Variants in HGSNAT observed in about 807,000 individuals in gnomAD.
HGSNAT encodes transmembrane protein 76.
Under a neutral mutation model 85.2 loss-of-function variants are expected in HGSNAT, and 59 were observed. That is an observed-to-expected ratio of 0.69 (90% CI 0.56 to 0.86). The LOEUF (loss-of-function observed/expected upper bound fraction) is 0.86, where lower values mean the gene tolerates loss of function less well. Ranked by LOEUF, HGSNAT falls within the 40% of genes least tolerant of loss-of-function variation. HGSNAT has a pLI of 0.00. For missense variants in HGSNAT, 756 were observed against 777.1 expected (o/e 0.97, Z 0.32); for synonymous variants, 321 against 304.5 (o/e 1.05, Z -0.56).
At chr8:43,153,945 G>A (rs1020580037) in intron 2 of HGSNAT, among the ~76,000 whole-genome samples, 4 of 152,120 alleles carry the variant, frequency 2.6e-5, no homozygotes, top group African/African-American at 9.7e-5. Context: ...TCCATTCATC[G>A]GTTGATGGAT....
At chr8:43,191,826 A>G (rs775748304) in intron 12 of HGSNAT, among the ~76,000 whole-genome samples, 9 of 151,930 alleles carry the variant, frequency 5.9e-5, no homozygotes, top group Non-Finnish European at 1.0e-4. Flanking sequence ...ATAGTGTGGG[A>G]GCAGTTTGTC....
At position 43,199,686 on chromosome 8, in the gene HGSNAT, C is replaced by T; in HGVS notation, c.*117C>T. On this transcript the variant is annotated 3_prime_UTR_variant, in exon 18 of 18. Coordinates refer to ENST00000379644, the MANE Select transcript of HGSNAT (RefSeq NM_152419.3). ...AATTGACTGGCTGCGTGTTTACAGA[C>T]TCTGGGGGAAGACACTGATGTCCTC... 1 of 733,892 alleles carries T rather than the reference C, an allele frequency of 1.4e-6. No homozygotes were observed. The highest frequency in any genetic ancestry group is 2.0e-6 in the Non-Finnish European group (1 of 495,186). 45.5% of individuals were successfully genotyped at this position (733,892 alleles called of 1,614,324 possible). A position where few individuals can be genotyped will look rare whatever the true frequency, so the allele number is the denominator to read the frequency against.
intron 9 of HGSNAT, among the ~76,000 whole-genome samples, chr8:43,175,194 G>A (rs1277329773): frequency 6.6e-6 from 1 of 152,082 alleles, no homozygotes; most frequent in African/African-American, 2.4e-5. Context: ...AATAAAGATG[G>A]GAGTATCTCT....
At chr8:43,146,460 G>T (rs1265233217) in intron 1 of HGSNAT, among the ~76,000 whole-genome samples, 1 of 152,054 alleles carries the variant, frequency 6.6e-6, no homozygotes, top group African/African-American at 2.4e-5. Context: ...AATACAAATT[G>T]GGTTCATATC....
chr8:43,199,402 C>G lies in HGSNAT; in HGVS notation c.1741C>G (p.Leu581Val). 1 of 1,597,490 alleles carries G rather than the reference C, an allele frequency of 6.3e-7. No individual in the cohort carries two copies. The highest frequency in any genetic ancestry group is 8.5e-7 in the Non-Finnish European group (1 of 1,170,526). ...PFFYPGMNSI[L>V]VYVGHEVFEN... ...CTCTCCTTAAGGAATGAATTCCATT[C>G]TGGTATATGTCGGCCACGAGGTGTT... Residue 581 changes from leucine (L) to valine (V), a missense_variant, in exon 18 of 18, where the codon CTG (leucine) becomes GTG (valine). Leu to Val is a conservative substitution (Grantham distance 32). Transcript: ENST00000379644.
At chr8:43,177,978 T>C (rs1026349355) in intron 9 of HGSNAT, 96 bp from the exon 10 acceptor site, 32 of 1,000,312 alleles carry the variant, frequency 3.2e-5, no homozygotes, top group Non-Finnish European at 4.9e-5. Context: ...AAACAAATTA[T>C]GGTTGCTTCT....
intron 4 of HGSNAT, 24 bp from the exon 5 acceptor site, chr8:43,161,414 A>C (rs1453072441): frequency 6.3e-7 from 1 of 1,598,970 alleles, no homozygotes; most frequent in Admixed American, 1.7e-5. Flanking sequence ...TTGGGGGCTA[A>C]TGTGTTTTCT....
At chr8:43,195,693 GA>G in intron 14 of HGSNAT, 1 of 154,794 alleles carries the variant, frequency 6.5e-6, no homozygotes. Flanking sequence ...TGAGGAGGAG[GA>G]GGGTGTGGAG....
Position 43,202,092 on chromosome 8 carries a change from A to G in HGSNAT, c.*2523A>G, listed in dbSNP as rs1335801739. On this transcript the variant is annotated 3_prime_UTR_variant, in exon 18 of 18. Coordinates refer to ENST00000379644, the MANE Select transcript of HGSNAT (RefSeq NM_152419.3). ...ATCAACTTGGGTGTCTTGAGCTGTA[A>G]GGAAGGAACTCCGGAGTCAGCTGGG... 1 of 152,996 alleles carries G rather than the reference A, an allele frequency of 6.5e-6. No homozygotes were observed. Among genetic ancestry groups the G allele is most frequent in the Non-Finnish European group, 1.5e-5 (1 of 68,104 alleles). 9.5% of individuals were successfully genotyped at this position (152,996 alleles called of 1,614,324 possible).
At chr8:43,196,286 GCT>G (rs1804724238) in intron 14 of HGSNAT, 2 of 360,434 alleles carry the variant, frequency 5.5e-6, no homozygotes, top group Admixed American at 3.8e-5. Flanking sequence ...TATTTTTAAA[GCT>G]TCTCATCCTT....
chr8:43,143,577 G>T (rs956435355), intron 1 of HGSNAT, among the ~76,000 whole-genome samples: 8 of 148,842 alleles, frequency 5.4e-5, no homozygotes, highest in African/African-American at 2.0e-4. Flanking sequence ...TCGCTCTGTC[G>T]CCCAGGCTGG....
intron 5 of HGSNAT, among the ~76,000 whole-genome samples, chr8:43,167,314 A>G (rs1020537275): frequency 1.3e-5 from 2 of 152,188 alleles, no homozygotes; most frequent in Non-Finnish European, 2.9e-5. Context: ...CTGCAGAGAA[A>G]TCTTGTGAAA....
intron 2 of HGSNAT, among the ~76,000 whole-genome samples, chr8:43,156,198 G>A (rs567338864): frequency 6.6e-6 from 1 of 152,244 alleles, no homozygotes; most frequent in African/African-American, 2.4e-5. Flanking sequence ...AACTGGTTTT[G>A]CTGTATTCCA....
intron 6 of HGSNAT, among the ~76,000 whole-genome samples, 190 bp from the exon 7 acceptor site, chr8:43,170,395 G>A (rs772780497): frequency 4.6e-5 from 7 of 151,908 alleles, no homozygotes; most frequent in African/African-American, 9.7e-5. Flanking sequence ...CAGGAGAATC[G>A]CTTGACCCCA....
chr8:43,162,454 ATTTCT>A (rs1367791390), intron 5 of HGSNAT, among the ~76,000 whole-genome samples: 1 of 152,114 alleles, frequency 6.6e-6, no homozygotes, highest in Admixed American at 6.5e-5. Context: ...GTGGAGTTTC[ATTTCT>A]TTGAGTTAAG....
At chr8:43,195,638 AGAG>A (rs1159527656) in intron 14 of HGSNAT, among the ~76,000 whole-genome samples, 24 of 12,176 alleles carry the variant, frequency 2.0e-3, no homozygotes, top group Admixed American at 3.0e-3. Flanking sequence ...GGGTGGAGGA[AGAG>A]GAGGAGGAGG....
At chr8:43,151,524 T>C (rs1043938888) in intron 2 of HGSNAT, among the ~76,000 whole-genome samples, 9 of 152,132 alleles carry the variant, frequency 5.9e-5, no homozygotes, top group Admixed American at 1.3e-4. Flanking sequence ...AATTAAAAAA[T>C]TCCTGTATAT....
intron 11 of HGSNAT, among the ~76,000 whole-genome samples, chr8:43,183,864 C>A (rs1804218238): frequency 3.3e-5 from 5 of 152,104 alleles, no homozygotes; most frequent in Admixed American, 2.6e-4. Flanking sequence ...TAATTCCCAC[C>A]TATGAGTGAG....
At chr8:43,192,222 C>T in intron 12 of HGSNAT, 82 bp from the exon 13 acceptor site, 1 of 1,488,814 alleles carries the variant, frequency 6.7e-7, no homozygotes, top group Non-Finnish European at 9.1e-7. Flanking sequence ...GCCACCGTGC[C>T]CGGCCTGAGG....
Sources: allele counts gnomAD v4.1 joint callset (sites outside exome capture counted in the v4.1 genomes callset), GRCh38; gene constraint gnomAD v4.1.1; transcripts MANE v1.5; gene names NCBI Gene and HGNC (gene_info 2026-07-23, HGNC 2026-07-21).